The following GPNMB variants were observed in gnomAD, a reference collection of about 807,000 sequenced individuals.
GPNMB encodes the protein glycoprotein nmb.
In GPNMB, 71 loss-of-function variants were observed where a neutral mutation model predicts 57.3. The observed-to-expected ratio is 1.24, with a 90% CI of 1.02 to 1.51. GPNMB has a LOEUF of 1.51. GPNMB is among the 40% of genes most tolerant of loss of function. GPNMB has a pLI of 0.00. For synonymous variants in GPNMB, 253 were observed against 263.2 expected (o/e 0.96, Z 0.38); for missense variants, 677 against 691.9 (o/e 0.98, Z 0.24).
chr7:23,272,024 G>A (rs1350500241), intron 9 of GPNMB, among the ~76,000 whole-genome samples: 1 of 152,118 alleles, frequency 6.6e-6, no homozygotes, highest in Admixed American at 6.6e-5. Context: ...GGTGGATCAG[G>A]GCCTGGGTGG....
At position 23,260,111 on chromosome 7, in the gene GPNMB, C is replaced by T; in HGVS notation, c.673C>T (p.Gln225Ter). 1.2e-6 allele frequency: 2 copies of T among 1,613,924 alleles called. No homozygotes were observed. The highest frequency in any genetic ancestry group is 1.7e-6 in the Non-Finnish European group (2 of 1,179,866). ...RHGRAYVPIA[Q>*]VKDVYVVTDQ... ...TGGACGGGCATATGTTCCCATCGCA[C>T]AAGTGAAAGATGTGTACGTGGTAAC... Residue 225 changes from glutamine to a stop codon, truncating the protein, a stop_gained, in exon 5 of 11, where the codon CAA becomes TAA. Transcript: ENST00000258733. LOFTEE classifies it high-confidence loss of function.
intron 6 of GPNMB, chr7:23,266,246 G>A: frequency 2.4e-6 from 1 of 412,886 alleles, no homozygotes; most frequent in Non-Finnish European, 4.4e-6. Flanking sequence ...ACTGCACCCG[G>A]CCAGTTTCAA....
At chr7:23,251,390 A>T (rs148563119) in intron 1 of GPNMB, among the ~76,000 whole-genome samples, 6 of 152,366 alleles carry the variant, frequency 3.9e-5, no homozygotes, top group African/African-American at 1.4e-4. Flanking sequence ...AGGCCAAGAC[A>T]TAGAACCACA....
intron 4 of GPNMB, chr7:23,258,141 T>C (rs1264424555): frequency 2.6e-5 from 4 of 152,230 alleles, no homozygotes; most frequent in Non-Finnish European, 5.9e-5. Flanking sequence ...ATTGAGCTTA[T>C]TATTAATTAG....
chr7:23,260,761 AC>A lies in GPNMB; in HGVS notation c.1010del (p.Pro337LeufsTer3). The stretch of plus-strand genomic sequence containing the variant: ...ACCACCACCCAGACCTTCAAAACCC[AC>A]CCCTTCTTTAGGTAAGGTTTCGCAG... ...PPPPPRPSKPTPSLGPAGDNP... is the reference protein window; with the variant it reads ...PPPPPRPSKPXPSLGPAGDNP... On this transcript the variant is annotated frameshift_variant, in exon 6 of 11. Transcript: ENST00000258733. LOFTEE classifies it high-confidence loss of function. The A allele has an allele frequency of 4.6e-6, 7 of 1,532,910 alleles. No individual in the cohort carries two copies. The highest frequency in any genetic ancestry group is 6.1e-6 in the Non-Finnish European group (7 of 1,140,620). The allele number at this position is 1,532,910 out of a possible 1,614,324, so 95.0% of individuals were successfully genotyped here. A position where few individuals can be genotyped will look rare whatever the true frequency, so the allele number is the denominator to read the frequency against.
rs767693130 is a variant in GPNMB, at chr7:23,273,601, C to G, written c.1510C>G (p.Leu504Val). Residue 504 changes from leucine to valine, a missense_variant, in exon 10 of 11, where the codon CTC becomes GTC. Physicochemically the swap from Leu to Val is conservative, Grantham distance 32 (BLOSUM62 1). Coordinates refer to ENST00000258733, the MANE Select transcript of GPNMB (RefSeq NM_002510.3). ...GGCCATATTTGTCACTGTGATCTCC[C>G]TCTTGGTGTACAAGTAAGTTTTTGG... ...CLAIFVTVISLLVYKKHKEYN... is the reference protein window; with the variant it reads ...CLAIFVTVISVLVYKKHKEYN... The G allele has an allele frequency of 6.2e-7, 1 of 1,608,092 alleles. No homozygotes were observed. Among genetic ancestry groups the G allele is most frequent in the Non-Finnish European group, 8.5e-7 (1 of 1,174,430 alleles).
At chr7:23,256,700 T>G (rs1782786250) in intron 3 of GPNMB, among the ~76,000 whole-genome samples, 192 bp from the exon 4 acceptor site, 1 of 152,254 alleles carries the variant, frequency 6.6e-6, no homozygotes, top group Non-Finnish European at 1.5e-5. Context: ...CATTGAAATA[T>G]AACAAATTCA....
At chr7:23,267,803 C>A in intron 7 of GPNMB, 83 bp from the exon 8 acceptor site, 1 of 951,294 alleles carries the variant, frequency 1.1e-6, no homozygotes, top group Non-Finnish European at 1.7e-6. Flanking sequence ...CACAAACATT[C>A]AATCTATACC....
chr7:23,260,381 A>C, intron 5 of GPNMB, 75 bp from the exon 6 acceptor site: 2 of 1,240,080 alleles, frequency 1.6e-6, no homozygotes, highest in Non-Finnish European at 2.3e-6. Flanking sequence ...TTCAACCTAA[A>C]AGCATCGTCG....
In GPNMB at chr7:23,269,947, G is replaced by A. The variant is rs376362241; in HGVS notation, c.1221-20G>A. ...CCTTCTCTGTGCCCTGTGCGCCCTC[G>A]CCCACCTCCCCTGTCGCAGCATTCC... On this transcript the variant is annotated intron_variant, in intron 8 of 10. Coordinates refer to ENST00000258733, the MANE Select transcript of GPNMB (RefSeq NM_002510.3). The A allele has an allele frequency of 4.4e-5, 71 of 1,597,056 alleles. No individual in the cohort carries two copies. In the African/African-American group the frequency reaches 4.6e-4, roughly 10 times the overall value.
rs1317618277 is a variant in GPNMB, at chr7:23,274,484, T to C, written c.*260T>C. The C allele has an allele frequency of 1.2e-5, 4 of 326,016 alleles. No individual in the cohort carries two copies. Among genetic ancestry groups the C allele is most frequent in the Admixed American group, 4.7e-5 (1 of 21,486 alleles). The allele number at this position is 326,016 out of a possible 1,614,324, so 20.2% of individuals were successfully genotyped here. On this transcript the variant is annotated 3_prime_UTR_variant, in exon 11 of 11. Coordinates refer to ENST00000258733, the MANE Select transcript of GPNMB (RefSeq NM_002510.3). ...TATTTTTTATGTTTCACTTATAAAG[T>C]CTTAGGTAACTAGTAGGATAGAAAC...
In GPNMB at chr7:23,257,019, C is replaced by T; in HGVS notation, c.495C>T (p.His165=). 6.2e-7 allele frequency: 1 copy of T among 1,614,126 alleles called. No individual in the cohort carries two copies. The highest frequency in any genetic ancestry group is 1.3e-5 in the African/African-American group (1 of 75,070). ...VFPDGKPFPH[H]PGWRRWNFIY... ...CTGATGGGAAACCTTTTCCTCACCA[C>T]CCCGGATGGAGAAGATGGAATTTCA... The change falls in exon 4 of 11, where the codon CAC becomes CAT. Residue 165 remains histidine (H), a synonymous_variant. Transcript: ENST00000258733.
intron 9 of GPNMB, among the ~76,000 whole-genome samples, chr7:23,270,708 A>G (rs935207221): frequency 1.3e-5 from 2 of 152,190 alleles, no homozygotes; most frequent in Non-Finnish European, 2.9e-5. Context: ...CACAGTAAGA[A>G]ACCAACTTAT....
In GPNMB at chr7:23,274,321, A is replaced by G; in HGVS notation, c.*97A>G. The G allele has an allele frequency of 1.1e-6, 1 of 923,718 alleles. No individual in the cohort carries two copies. Among genetic ancestry groups the G allele is most frequent in the Non-Finnish European group, 1.7e-6 (1 of 597,546 alleles). 57.2% of individuals were successfully genotyped at this position (923,718 alleles called of 1,614,324 possible). On this transcript the variant is annotated 3_prime_UTR_variant, in exon 11 of 11. Coordinates refer to ENST00000258733, the MANE Select transcript of GPNMB (RefSeq NM_002510.3). ...TTTTTTTCCTAAAGATTATTGTTAA[A>G]TAGATATTGTGGTTTGGGGAAGTTG...
At chr7:23,264,285 A>C (rs1391026897) in intron 6 of GPNMB, among the ~76,000 whole-genome samples, 1 of 152,188 alleles carries the variant, frequency 6.6e-6, no homozygotes, top group Non-Finnish European at 1.5e-5. Context: ...CTGTCTTTTA[A>C]GGTGTGCGTT....
intron 1 of GPNMB, among the ~76,000 whole-genome samples, chr7:23,248,209 G>T (rs1782580925): frequency 6.6e-6 from 1 of 152,204 alleles, no homozygotes; most frequent in Non-Finnish European, 1.5e-5. Context: ...TGAGAGACGT[G>T]CATGGTGGGG....
rs1312542052 is a variant in GPNMB at position 23,260,071 on chromosome 7, T to A, written c.633T>A (p.Thr211=). 6.2e-7 allele frequency: 1 copy of A among 1,613,962 alleles called. No individual in the cohort carries two copies. Among genetic ancestry groups the A allele is most frequent in the Non-Finnish European group, 8.5e-7 (1 of 1,179,940 alleles). ...VTLGPQLMEV[T]VYRRHGRAYV... ...TTGGGCCTCAACTCATGGAAGTGAC[T>A]GTCTACAGAAGACATGGACGGGCAT... The change falls in exon 5 of 11, where the codon ACT becomes ACA. Residue 211 remains threonine, a synonymous_variant. Transcript: ENST00000258733.
intron 3 of GPNMB, among the ~76,000 whole-genome samples, chr7:23,255,150 C>G (rs1782746218): frequency 1.3e-5 from 2 of 152,154 alleles, no homozygotes; most frequent in Admixed American, 1.3e-4. Flanking sequence ...TCCCAAGTAG[C>G]TGGGATTACA....
intron 1 of GPNMB, among the ~76,000 whole-genome samples, chr7:23,250,024 T>A (rs540801936): frequency 6.6e-6 from 1 of 152,348 alleles, no homozygotes; most frequent in African/African-American, 2.4e-5. Flanking sequence ...TACTGGCTAA[T>A]GATGTTGAAT....
Sources: allele counts gnomAD v4.1 joint callset (sites outside exome capture counted in the v4.1 genomes callset), GRCh38; gene constraint gnomAD v4.1.1; transcripts MANE v1.5; gene names NCBI Gene and HGNC (gene_info 2026-07-23, HGNC 2026-07-21).